The following MFGE8 variants were observed in gnomAD, a reference collection of about 807,000 sequenced individuals.
MFGE8 encodes the protein milk fat globule EGF and factor V/VIII domain containing.
A neutral mutation model predicts 42.6 loss-of-function variants in MFGE8; 34 were observed. That is an observed-to-expected ratio of 0.80 (90% CI 0.61 to 1.06). The LOEUF is 1.06. MFGE8 is among the 50% of genes least tolerant of loss of function. The probability of loss-of-function intolerance (pLI) is 0.00; values close to 1 mark genes in which losing one functional copy is unlikely to be tolerated. For missense variants in MFGE8, 510 were observed against 516.9 expected (o/e 0.99, Z 0.13); for synonymous variants, 230 against 214.8 (o/e 1.07, Z -0.62).
chr15:88,899,388 G>A lies in MFGE8; in HGVS notation c.*7C>T. ...AAGCAGGAAGACCTGGGGGTGGCAG[G>A]TGGCCACTAACAGCCCAGCAGCTCC... On this transcript the variant is annotated 3_prime_UTR_variant, in exon 8 of 8. Transcript: ENST00000268150. This position sits in a 1 kb window ranked among gnomAD's most constrained non-coding sequence, Gnocchi z 6.8. 4.3e-6 allele frequency: 7 copies of A among 1,613,992 alleles called. No homozygotes were observed. The highest frequency in any genetic ancestry group is 5.9e-6 in the Non-Finnish European group (7 of 1,179,958).
At chr15:88,910,553 C>T in intron 1 of MFGE8, 1 of 166,900 alleles carries the variant, frequency 6.0e-6, no homozygotes, top group Non-Finnish European at 1.3e-5. Context: ...CCAGCAAGTC[C>T]ACAGATGAGG....
intron 1 of MFGE8, 43 bp downstream of exon 1, chr15:88,913,204 G>A (rs865943769): frequency 3.4e-6 from 5 of 1,484,764 alleles, no homozygotes; most frequent in East Asian, 2.8e-5. Flanking sequence ...CGAGCGGCGC[G>A]GGGAGGAGGG....
Position 88,909,918 on chromosome 15 carries a change from A to G in MFGE8, c.79T>C (p.Cys27Arg), listed in dbSNP as rs1898880167. 1 of 1,614,114 alleles carries G rather than the reference A, an allele frequency of 6.2e-7. No individual in the cohort carries two copies. The highest frequency in any genetic ancestry group is 8.5e-7 in the Non-Finnish European group (1 of 1,179,966). Residue 27 changes from cysteine (C) to arginine (R), a missense_variant, in exon 2 of 8, where the codon TGT becomes CGT. Physicochemically the swap from Cys to Arg is radical, Grantham distance 180. Transcript: ENST00000268150. Reference protein sequence around the residue: ...APSLLVALDICSKNPCHNGGL... With the variant: ...APSLLVALDIRSKNPCHNGGL... ...CCGTTGTGGCAGGGGTTTTTGGAACAGATATCTGGGGACAGAGACAGGTAA... is the reference window on the plus strand; with the variant it reads ...CCGTTGTGGCAGGGGTTTTTGGAACGGATATCTGGGGACAGAGACAGGTAA...
In MFGE8 at chr15:88,899,306, C is replaced by T. The variant is rs1898248505; in HGVS notation, c.*89G>A. On this transcript the variant is annotated 3_prime_UTR_variant, in exon 8 of 8. Transcript: ENST00000268150. This position sits in a 1 kb window ranked among gnomAD's most constrained non-coding sequence, Gnocchi z 6.8. ...CTGAACACCCTCCCCTTCCCCAGTC[C>T]CCAGCCCTATGGTGATTTAAAGGGG... 2.5e-6 allele frequency: 4 copies of T among 1,577,218 alleles called. No individual in the cohort carries two copies. The highest frequency in any genetic ancestry group is 2.7e-5 in the African/African-American group (2 of 74,224).
At chr15:88,908,118 A>G (rs1898785704) in intron 2 of MFGE8, among the ~76,000 whole-genome samples, 1 of 152,066 alleles carries the variant, frequency 6.6e-6, no homozygotes, top group Admixed American at 6.5e-5. Context: ...CCATCACTCC[A>G]GCAGTGTGGT....
intron 1 of MFGE8, 67 bp downstream of exon 1, chr15:88,913,180 G>T: frequency 6.8e-7 from 1 of 1,472,536 alleles, no homozygotes; most frequent in African/African-American, 1.5e-5. Context: ...GAGGGCGGGC[G>T]CCGGGCAAAC....
intron 1 of MFGE8, chr15:88,910,796 G>C (rs1461009256): frequency 6.6e-6 from 1 of 152,408 alleles, no homozygotes; most frequent in Non-Finnish European, 1.5e-5. Context: ...GCTGGGGCCA[G>C]ACTGGGAGGG....
chr15:88,912,629 CG>C, intron 1 of MFGE8: 2 of 985,328 alleles, frequency 2.0e-6, no homozygotes. Context: ...GCCAAGGCCG[CG>C]GGAGGGAGGG....
chr15:88,907,238 T>C lies in MFGE8; in HGVS notation c.344A>G (p.Asn115Ser). 1 of 1,614,126 alleles carries C rather than the reference T, an allele frequency of 6.2e-7. No homozygotes were observed. The highest frequency in any genetic ancestry group is 8.5e-7 in the Non-Finnish European group (1 of 1,180,000). ...GTCATTGCTGCTGGGTGTCCAGGCA[T>C]TGACCATGCCTGCGCGGTTCAGGCG... Reference protein sequence around the residue: ...LARLNRAGMVNAWTPSSNDDN... With the variant: ...LARLNRAGMVSAWTPSSNDDN... The change falls in exon 3 of 8, where the codon AAT becomes AGT. Residue 115 changes from asparagine to serine, a missense_variant. Transcript: ENST00000268150.
intron 2 of MFGE8, among the ~76,000 whole-genome samples, chr15:88,907,698 A>G: frequency 8.8e-6 from 1 of 113,982 alleles, no homozygotes; most frequent in Non-Finnish European, 1.8e-5. Flanking sequence ...CACTCATGGA[A>G]AGTAGAGTCC....
At position 88,913,104 on chromosome 15, in the gene MFGE8, A is replaced by C. The variant is rs535413670; in HGVS notation, c.73+143T>G. The C allele has an allele frequency of 3.1e-5, 41 of 1,318,628 alleles. 3 individuals carry two copies. The South Asian group carries it at 6.2e-4, about 20-fold the overall frequency. 81.7% of individuals were successfully genotyped at this position (1,318,628 alleles called of 1,614,324 possible). On this transcript the variant is annotated intron_variant, in intron 1 of 7. Coordinates refer to ENST00000268150, the MANE Select transcript of MFGE8 (RefSeq NM_005928.4). ...CCCCTGTCCCGCCAGGGCGCAGCGG[A>C]AGAAGCCGCCCCTCTGCCCAGCCCG... is the stretch of plus-strand genomic sequence containing the variant.
chr15:88,909,906 G>A lies in MFGE8; in HGVS notation c.91C>T (p.Pro31Ser), dbSNP rs774433252. 17 of 1,614,196 alleles carry A rather than the reference G, an allele frequency of 1.1e-5. No individual in the cohort carries two copies. In the East Asian group the frequency reaches 2.7e-4, roughly 25 times the overall value. ...LVALDICSKN[P>S]CHNGGLCEEI... is the part of the protein sequence containing the mutation. ...TCGCATAAACCACCGTTGTGGCAGG[G>A]GTTTTTGGAACAGATATCTGGGGAC... Residue 31 changes from proline to serine, a missense_variant, in exon 2 of 8, where the codon CCC (proline) becomes TCC (serine). Pro to Ser is a moderately conservative substitution (Grantham distance 74). Coordinates refer to ENST00000268150, the MANE Select transcript of MFGE8 (RefSeq NM_005928.4).
intron 6 of MFGE8, chr15:88,900,633 C>T (rs1567213715): frequency 2.4e-6 from 2 of 829,664 alleles, no homozygotes; most frequent in Non-Finnish European, 2.9e-6. Flanking sequence ...AGTTCCCCAA[C>T]ATCCAGGTGT....
chr15:88,901,185 A>ATT (rs1567214666), intron 6 of MFGE8, among the ~76,000 whole-genome samples: 10 of 56,884 alleles, frequency 1.8e-4, no homozygotes, highest in South Asian at 4.4e-4. Flanking sequence ...TCACACATTC[A>ATT]CACACACATT....
At position 88,901,735 on chromosome 15, in the gene MFGE8, C is replaced by T. The variant is rs749318736; in HGVS notation, c.686G>A (p.Gly229Glu). 42 of 1,613,848 alleles carry T rather than the reference C, an allele frequency of 2.6e-5. No individual in the cohort carries two copies. Among genetic ancestry groups the T allele is most frequent in the Middle Eastern group, 3.3e-4 (2 of 6,082 alleles). ...RFELLGCELN[G>E]CANPLGLKNN... ...CTTCAGGCCCAGGGGATTGGCGCAT[C>T]CTGCCAGCAAGGTGGGCTGTCATCT... The change falls in exon 6 of 8, where the codon GGA (glycine) becomes GAA (glutamate). Residue 229 changes from glycine (G) to glutamate (E), a missense_variant and splice_region_variant. Coordinates refer to ENST00000268150, the MANE Select transcript of MFGE8 (RefSeq NM_005928.4).
At chr15:88,913,165 A>G in intron 1 of MFGE8, 82 bp downstream of exon 1, 1 of 1,463,508 alleles carries the variant, frequency 6.8e-7, no homozygotes, top group South Asian at 1.3e-5. Context: ...TCAACAGTGG[A>G]GGTGGAGGGC....
At chr15:88,901,356 C>T (rs1336430957) in intron 6 of MFGE8, among the ~76,000 whole-genome samples, 195 bp downstream of exon 6, 1 of 152,130 alleles carries the variant, frequency 6.6e-6, no homozygotes, top group Admixed American at 6.6e-5. Context: ...CACCCTTTCT[C>T]CACCTTGGTG....
rs761855354 is a variant in MFGE8, at chr15:88,906,581, G to C, written c.540+45C>G. 13 of 1,611,306 alleles carry C rather than the reference G, an allele frequency of 8.1e-6. No individual in the cohort carries two copies. Among genetic ancestry groups the C allele is most frequent in the Middle Eastern group, 1.6e-4 (1 of 6,070 alleles). On this transcript the variant is annotated intron_variant, in intron 4 of 7. Transcript: ENST00000268150. This position sits in a 1 kb window ranked among gnomAD's most constrained non-coding sequence, Gnocchi z 4.2. Reference sequence around the variant, plus strand: ...TCCTCAGTCAATGCTAGAACCTTAGGGGGTATGGACCACAGCCCTTCTTTC... The same window carrying C: ...TCCTCAGTCAATGCTAGAACCTTAGCGGGTATGGACCACAGCCCTTCTTTC...
At chr15:88,907,706 T>TCA (rs1898760169) in intron 2 of MFGE8, among the ~76,000 whole-genome samples, 1 of 147,672 alleles carries the variant, frequency 6.8e-6, no homozygotes, top group Non-Finnish European at 1.5e-5. Context: ...GAAAGTAGAG[T>TCA]CCCCCCCGCC....
Sources: gnomAD v4.1 joint callset for allele counts (sites outside exome capture counted in the v4.1 genomes callset) on GRCh38, gnomAD v4.1.1 for gene constraint, Gnocchi (gnomAD v3.1) non-coding constraint, MANE v1.5 for transcripts, NCBI Gene and HGNC (gene_info 2026-07-23, HGNC 2026-07-21) for gene names.